The following PRKCA variants were observed in gnomAD, a reference collection of about 807,000 sequenced individuals.
PRKCA encodes protein kinase C alpha type.
A neutral mutation model predicts 87.0 loss-of-function variants in PRKCA; 27 were observed. The observed-to-expected ratio is 0.31, with a 90% confidence interval of 0.23 to 0.43. The LOEUF (loss-of-function observed/expected upper bound fraction) is 0.43, where lower values mean the gene tolerates loss of function less well. PRKCA is among the 20% of genes least tolerant of loss of function. The probability of loss-of-function intolerance (pLI) is 1.00; values close to 1 mark genes in which losing one functional copy is unlikely to be tolerated. For missense variants in PRKCA, 518 were observed against 852.3 expected, an observed-to-expected ratio of 0.61 and a Z score of 4.88; for synonymous variants, 329 against 311.1, an observed-to-expected ratio of 1.06 and a Z score of -0.61.
chr17:66,609,385 T>C (rs1334625174), intron 3 of PRKCA, among the ~76,000 whole-genome samples: 4 of 152,158 alleles, frequency 2.6e-5, no homozygotes, highest in Non-Finnish European at 4.4e-5. Context: ...AAAAGTGTAA[T>C]GCGTGTCTAT....
intron 2 of PRKCA, among the ~76,000 whole-genome samples, chr17:66,457,366 T>A (rs935674994): frequency 6.6e-6 from 1 of 152,104 alleles, no homozygotes; most frequent in Admixed American, 6.5e-5. Context: ...GAGACCTAGA[T>A]GGCTCAGTTC....
At chr17:66,734,772 A>G (rs1973984601) in intron 9 of PRKCA, among the ~76,000 whole-genome samples, 1 of 152,088 alleles carries the variant, frequency 6.6e-6, no homozygotes, top group Non-Finnish European at 1.5e-5. Flanking sequence ...TGCCTGCGAC[A>G]TTAGGGTCCA....
chr17:66,713,774 G>A (rs1210718604), intron 8 of PRKCA, among the ~76,000 whole-genome samples: 1 of 152,106 alleles, frequency 6.6e-6, no homozygotes, highest in Admixed American at 6.5e-5. Flanking sequence ...AAATAGACTT[G>A]TCAACACTCA....
Position 66,306,420 on chromosome 17 carries a change from A to G in PRKCA, c.205+293A>G, listed in dbSNP as rs61762377. 1,733 of 318,832 alleles carry G rather than the reference A, an allele frequency of 5.4e-3. 19 individuals are homozygous for G. Among genetic ancestry groups the G allele is most frequent in the Non-Finnish European group, 6.5e-3 (1,148 of 177,048 alleles). The allele number at this position is 318,832 out of a possible 1,614,324, so 19.8% of individuals were successfully genotyped here. On this transcript the variant is annotated intron_variant, in intron 2 of 16. Transcript: ENST00000413366. ...TCTTTGTGTGGGTGTTGAGAAAAAA[A>G]TGGAATCACTTTGTATTCAAGTGGC...
chr17:66,671,512 T>TA (rs1733071005), intron 5 of PRKCA, among the ~76,000 whole-genome samples: 1 of 152,230 alleles, frequency 6.6e-6, no homozygotes, highest in South Asian at 2.1e-4. Context: ...ATCAGGTACG[T>TA]ACTTGTGGGT....
chr17:66,595,271 A>G (rs9914573), intron 3 of PRKCA, among the ~76,000 whole-genome samples: 85,137 of 151,460 alleles, frequency 0.56, 25,022 homozygotes, highest in African/African-American at 0.73. Context: ...GGGCTCAAGC[A>G]AGCCTTTCAC....
At chr17:66,313,317 CAACT>C (rs1442811644) in intron 2 of PRKCA, among the ~76,000 whole-genome samples, 1 of 152,122 alleles carries the variant, frequency 6.6e-6, no homozygotes, top group African/African-American at 2.4e-5. Context: ...AAAGTTGTGC[CAACT>C]AAGATCTTAG....
At chr17:66,398,453 T>C (rs1910816600) in intron 2 of PRKCA, among the ~76,000 whole-genome samples, 1 of 152,230 alleles carries the variant, frequency 6.6e-6, no homozygotes, top group African/African-American at 2.4e-5. Flanking sequence ...GGTGATGGGC[T>C]AATTTGGAAG....
At position 66,356,578 on chromosome 17, in the gene PRKCA, C is replaced by T. The variant is rs188197577; in HGVS notation, c.205+50451C>T. Reference sequence around the variant, plus strand: ...GGCGGAGGTTGCAGTGAGCTGAGATCGTGCCACTGCACTCCAACCTGGGTG... The same window carrying T: ...GGCGGAGGTTGCAGTGAGCTGAGATTGTGCCACTGCACTCCAACCTGGGTG... On this transcript the variant is annotated intron_variant, in intron 2 of 16. Coordinates refer to ENST00000413366, the MANE Select transcript of PRKCA (RefSeq NM_002737.3). 2.5e-3 allele frequency among the ~76,000 whole-genome samples: 380 copies of T among 152,174 alleles called. 1 individual carries two copies. The highest frequency in any genetic ancestry group is 7.9e-3 in the African/African-American group (329 of 41,536).
chr17:66,785,169 C>T (rs995029978), intron 14 of PRKCA, among the ~76,000 whole-genome samples: 13 of 152,106 alleles, frequency 8.5e-5, no homozygotes, highest in Admixed American at 2.0e-4. Context: ...CCTCAGGGCA[C>T]GTGGCTCCTG....
intron 3 of PRKCA, among the ~76,000 whole-genome samples, chr17:66,539,489 C>T (rs888630975): frequency 1.3e-5 from 2 of 151,682 alleles, no homozygotes; most frequent in African/African-American, 2.4e-5. Flanking sequence ...CTGCAAGCTC[C>T]GCCTCTCAGG....
intron 2 of PRKCA, among the ~76,000 whole-genome samples, chr17:66,354,110 G>T (rs1425543686): frequency 6.6e-6 from 1 of 152,164 alleles, no homozygotes; most frequent in African/African-American, 2.4e-5. Context: ...GATCGCAGAC[G>T]CGAACATTGT....
At chr17:66,554,996 A>G (rs540163626) in intron 3 of PRKCA, among the ~76,000 whole-genome samples, 39 of 151,122 alleles carry the variant, frequency 2.6e-4, no homozygotes, top group Admixed American at 1.5e-3. Flanking sequence ...TCCTGCCTCA[A>G]CCTCCCGAGT....
At chr17:66,758,053 T>G (rs1488392030) in intron 13 of PRKCA, among the ~76,000 whole-genome samples, 1 of 152,136 alleles carries the variant, frequency 6.6e-6, no homozygotes, top group African/African-American at 2.4e-5. Flanking sequence ...AGAAGGAAAG[T>G]GACATAGGTC....
intron 4 of PRKCA, 48 bp from the exon 5 acceptor site, chr17:66,645,335 G>A: frequency 6.2e-7 from 1 of 1,612,676 alleles, no homozygotes; most frequent in Non-Finnish European, 8.5e-7. Flanking sequence ...GAGGAGCGGT[G>A]GTTGGAGTCC....
chr17:66,378,497 C>T (rs1335600655), intron 2 of PRKCA, among the ~76,000 whole-genome samples: 2 of 152,012 alleles, frequency 1.3e-5, no homozygotes, highest in African/African-American at 4.8e-5. Context: ...AGAAAGAAAC[C>T]CCAGACCCCT....
At chr17:66,503,796 G>A (rs61337606) in intron 3 of PRKCA, among the ~76,000 whole-genome samples, 2 of 152,070 alleles carry the variant, frequency 1.3e-5, no homozygotes, top group Admixed American at 1.3e-4. Flanking sequence ...AAAATTTAAA[G>A]CATTTAAAAT....
intron 8 of PRKCA, among the ~76,000 whole-genome samples, chr17:66,717,780 T>C (rs934500787): frequency 2.0e-5 from 3 of 152,194 alleles, no homozygotes; most frequent in African/African-American, 7.2e-5. Flanking sequence ...CCTAGGCAGG[T>C]CAGACTCCCC....
chr17:66,654,117 C>T (rs896264232), intron 5 of PRKCA, among the ~76,000 whole-genome samples: 2 of 152,142 alleles, frequency 1.3e-5, no homozygotes, highest in African/African-American at 2.4e-5. Context: ...TTGGTGGGTC[C>T]GTTTAGCTAG....
Sources: allele counts gnomAD v4.1 joint callset (sites outside exome capture counted in the v4.1 genomes callset), GRCh38; gene constraint gnomAD v4.1.1; transcripts MANE v1.5; gene names NCBI Gene and HGNC (gene_info 2026-07-23, HGNC 2026-07-21).